SLC49A4: variants seen among roughly 807,000 people sequenced by gnomAD.
SLC49A4 encodes disrupted in renal cancer protein 2.
In SLC49A4, 36 loss-of-function variants were observed where a neutral mutation model predicts 50.6. The observed-to-expected ratio is 0.71, with a 90% CI of 0.55 to 0.94. SLC49A4 has a LOEUF of 0.94. SLC49A4 is among the 40% of genes least tolerant of loss of function. The pLI, the probability that SLC49A4 is intolerant of heterozygous loss-of-function variation, is 0.00. For missense variants in SLC49A4, 503 were observed against 605.7 expected, an observed-to-expected ratio of 0.83 and a Z score of 1.78; for synonymous variants, 248 against 241.2, an observed-to-expected ratio of 1.03 and a Z score of -0.26.
chr3:122,875,439 C>T (rs1160006932), intron 8 of SLC49A4, among the ~76,000 whole-genome samples: 1 of 152,166 alleles, frequency 6.6e-6, no homozygotes, highest in Non-Finnish European at 1.5e-5. Context: ...CAACGTTGGC[C>T]TCCCAGCCTC....
chr3:122,809,013 T>TA (rs1193486965), intron 2 of SLC49A4, among the ~76,000 whole-genome samples: 8 of 151,982 alleles, frequency 5.3e-5, no homozygotes, highest in African/African-American at 1.9e-4. Context: ...TGGGAGGTGA[T>TA]ATGCTGGAAG....
intron 2 of SLC49A4, 78 bp downstream of exon 2, chr3:122,807,028 G>T (rs1576291041): frequency 2.5e-6 from 2 of 798,910 alleles, no homozygotes; most frequent in Admixed American, 5.3e-5. Context: ...TCAGTAAAGG[G>T]TCATATTTAT....
At chr3:122,838,320 C>G (rs1263612968) in intron 4 of SLC49A4, among the ~76,000 whole-genome samples, 1 of 152,004 alleles carries the variant, frequency 6.6e-6, no homozygotes, top group African/African-American at 2.4e-5. Flanking sequence ...TATCCAACAA[C>G]GATAGACTGG....
chr3:122,831,565 C>T lies in SLC49A4; in HGVS notation c.704-1752C>T, dbSNP rs575264410. On this transcript the variant is annotated intron_variant, in intron 3 of 8. Transcript: ENST00000261038. ...ATTTATAGGAAATGTCCATAATACTCAAATCTATAGGGACTAAAAGTAGAT... is the reference window on the plus strand; with the variant it reads ...ATTTATAGGAAATGTCCATAATACTTAAATCTATAGGGACTAAAAGTAGAT... 3.9e-5 allele frequency among the ~76,000 whole-genome samples: 6 copies of T among 152,212 alleles called. No homozygotes were observed. In the South Asian group the frequency reaches 8.3e-4, roughly 21 times the overall value.
Position 122,825,804 on chromosome 3 carries a change from G to A in SLC49A4, c.438-996G>A, listed in dbSNP as rs1936517889. ...TCCCTTTCTTGTCTATGCTTTCTTT[G>A]GACTTCTGGCCTCTTTTCTATTTCA... is the stretch of plus-strand genomic sequence containing the variant. On this transcript the variant is annotated intron_variant, in intron 2 of 8. Coordinates refer to ENST00000261038, the MANE Select transcript of SLC49A4 (RefSeq NM_032839.3). Among the ~76,000 whole-genome samples the A allele has an allele frequency of 2.0e-5, 3 of 151,936 alleles. No individual in the cohort carries two copies. In the South Asian group the frequency reaches 6.2e-4, roughly 31 times the overall value.
Position 122,806,966 on chromosome 3 carries a change from A to T in SLC49A4, c.437+16A>T. On this transcript the variant is annotated intron_variant, in intron 2 of 8. Transcript: ENST00000261038. ...TTAAAAGAAGGTAAATCCTGTAAAT[A>T]ACATTTCTCCCCCATTTTTCATTTT... 1.4e-6 allele frequency: 2 copies of T among 1,426,124 alleles called. No homozygotes were observed. The highest frequency in any genetic ancestry group is 2.0e-6 in the Non-Finnish European group (2 of 1,017,176). The allele number at this position is 1,426,124 out of a possible 1,614,324, so 88.3% of individuals were successfully genotyped here.
At chr3:122,866,248 T>A (rs1003792803) in intron 7 of SLC49A4, among the ~76,000 whole-genome samples, 1 of 149,918 alleles carries the variant, frequency 6.7e-6, no homozygotes, top group African/African-American at 2.5e-5. Context: ...CGCCACGTTG[T>A]CCAGGCTGGT....
rs1560234132 is a variant in SLC49A4 at position 122,860,216 on chromosome 3, AT to A, written c.1138+19del. 3 of 1,566,336 alleles carry A rather than the reference AT, an allele frequency of 1.9e-6. No homozygotes were observed. In the Admixed American group the frequency reaches 5.9e-5, roughly 31 times the overall value. ...CTTTAACCACAGGTGAGCATAGGCT[AT>A]TTTTGAACTTTTAATAAATATTTTC... On this transcript the variant is annotated intron_variant, in intron 7 of 8. Transcript: ENST00000261038.
intron 2 of SLC49A4, among the ~76,000 whole-genome samples, chr3:122,815,320 C>T (rs1414160903): frequency 6.6e-6 from 1 of 152,146 alleles, no homozygotes; most frequent in African/African-American, 2.4e-5. Flanking sequence ...AACTCCTGGC[C>T]TCAAGTAATC....
chr3:122,823,210 A>G (rs1449099561), intron 2 of SLC49A4, among the ~76,000 whole-genome samples: 1 of 152,224 alleles, frequency 6.6e-6, no homozygotes, highest in Non-Finnish European at 1.5e-5. Flanking sequence ...CTGCTCTTCC[A>G]AGAGTAGGCT....
chr3:122,856,269 T>A, intron 5 of SLC49A4, 38 bp from the exon 6 acceptor site: 1 of 1,602,700 alleles, frequency 6.2e-7, no homozygotes, highest in South Asian at 1.1e-5. Flanking sequence ...TGCAGTATGA[T>A]TGTCTTGTAT....
chr3:122,835,602 C>G (rs1237948222), intron 4 of SLC49A4, among the ~76,000 whole-genome samples: 1 of 151,652 alleles, frequency 6.6e-6, no homozygotes, highest in Admixed American at 6.6e-5. Flanking sequence ...ATAGAAGGGA[C>G]ATACTTCAAA....
intron 6 of SLC49A4, among the ~76,000 whole-genome samples, chr3:122,859,568 T>C (rs1937031683): frequency 6.6e-6 from 1 of 152,206 alleles, no homozygotes; most frequent in Non-Finnish European, 1.5e-5. Context: ...CAGAATCAAC[T>C]GGGCATGGTG....
chr3:122,859,633 C>T (rs1374943189), intron 6 of SLC49A4, among the ~76,000 whole-genome samples: 1 of 151,996 alleles, frequency 6.6e-6, no homozygotes, highest in African/African-American at 2.4e-5. Context: ...GATCCTTGAG[C>T]CCAGGAGTTC....
At chr3:122,855,106 AAAAG>A (rs1488811503) in intron 5 of SLC49A4, among the ~76,000 whole-genome samples, 3 of 152,092 alleles carry the variant, frequency 2.0e-5, no homozygotes, top group Non-Finnish European at 2.9e-5. Context: ...ACAAAAAAAA[AAAAG>A]AAAGAAAAAG....
intron 6 of SLC49A4, among the ~76,000 whole-genome samples, chr3:122,858,845 T>C (rs1467045002): frequency 1.3e-5 from 2 of 151,968 alleles, no homozygotes; most frequent in Non-Finnish European, 2.9e-5. Context: ...AATCCACAGG[T>C]GAGGAAAAGC....
chr3:122,861,651 A>G (rs1462312035), intron 7 of SLC49A4, among the ~76,000 whole-genome samples: 4 of 152,200 alleles, frequency 2.6e-5, no homozygotes, highest in Admixed American at 6.5e-5. Flanking sequence ...TTGGATCTCT[A>G]TACTCTGTAA....
chr3:122,878,613 T>G (rs1013422579), intron 8 of SLC49A4, among the ~76,000 whole-genome samples: 1 of 152,218 alleles, frequency 6.6e-6, no homozygotes, highest in African/African-American at 2.4e-5. Context: ...AGATGATGCC[T>G]ATAGGTTTTC....
At chr3:122,826,148 G>T (rs542993229) in intron 2 of SLC49A4, among the ~76,000 whole-genome samples, 1 of 152,154 alleles carries the variant, frequency 6.6e-6, no homozygotes, top group South Asian at 2.1e-4. Context: ...GTTAGGTATT[G>T]TTCAGGGCTA....
Sources: gnomAD v4.1 joint callset for allele counts (sites outside exome capture counted in the v4.1 genomes callset) on GRCh38, gnomAD v4.1.1 for gene constraint, MANE v1.5 for transcripts, NCBI Gene and HGNC (gene_info 2026-07-23, HGNC 2026-07-21) for gene names.